Variants in EFCAB7 observed in about 807,000 individuals in gnomAD.
The protein encoded by EFCAB7 is EF-hand calcium binding domain 7.
Under a neutral mutation model 77.1 loss-of-function variants are expected in EFCAB7, and 66 were observed. The ratio of observed to expected loss-of-function variants is 0.86; its 90% CI spans 0.70 to 1.05. The LOEUF (loss-of-function observed/expected upper bound fraction) is 1.05. EFCAB7 is among the 50% of genes least tolerant of loss of function. The pLI is 0.00. For synonymous variants in EFCAB7, 225 were observed against 243.3 expected, an observed-to-expected ratio of 0.92 and a Z score of 0.70; for missense variants, 638 against 730.5, an observed-to-expected ratio of 0.87 and a Z score of 1.46.
intron 2 of EFCAB7, chr1:63,528,106 G>A (rs1646628463): frequency 1.3e-5 from 2 of 152,276 alleles, no homozygotes; most frequent in South Asian, 4.1e-4. Context: ...TCAGCATATT[G>A]AAGAGATATC....
downstream of EFCAB7, among the ~76,000 whole-genome samples, chr1:63,576,347 G>A (rs1160009848): frequency 6.6e-6 from 1 of 151,806 alleles, no homozygotes; most frequent in African/African-American, 2.4e-5. Flanking sequence ...AGGTGTGCTG[G>A]CGGACGCCTG....
intron 6 of EFCAB7, among the ~76,000 whole-genome samples, chr1:63,540,579 G>A (rs912079700): frequency 2.5e-4 from 38 of 152,016 alleles, no homozygotes; most frequent in African/African-American, 8.7e-4. Context: ...ATAATCTCTG[G>A]CTACCTCAAT....
chr1:63,541,604 A>G (rs745456354), intron 6 of EFCAB7, among the ~76,000 whole-genome samples: 6 of 151,902 alleles, frequency 3.9e-5, no homozygotes, highest in Non-Finnish European at 8.8e-5. Flanking sequence ...TTGCCGTGTT[A>G]CCCAGGCTGG....
chr1:63,548,742 G>A (rs1646929018), intron 7 of EFCAB7: 1 of 152,122 alleles, frequency 6.6e-6, no homozygotes. Flanking sequence ...AGCTCTGATG[G>A]GATCAAGAAA....
chr1:63,561,913 A>G, intron 11 of EFCAB7, 56 bp downstream of exon 11: 1 of 1,314,208 alleles, frequency 7.6e-7, no homozygotes, highest in Non-Finnish European at 1.0e-6. Context: ...ATTTTACTTT[A>G]TGAACATTTT....
In EFCAB7 at chr1:63,549,075, C is replaced by T. The variant is rs1427551710; in HGVS notation, c.947-2650C>T. ...CCGGAAAAATTACTTTAAAAATCGC[C>T]AAAAATTACTTGGAGCAAAGGGCAG... On this transcript the variant is annotated intron_variant, in intron 7 of 13. Coordinates refer to ENST00000371088, the MANE Select transcript of EFCAB7 (RefSeq NM_032437.4). 3 of 236,710 alleles carry T rather than the reference C, an allele frequency of 1.3e-5. No individual in the cohort carries two copies. In the Admixed American group the frequency reaches 1.7e-4, roughly 13 times the overall value. The allele number at this position is 236,710 out of a possible 1,614,324, so 14.7% of individuals were successfully genotyped here. A position where few individuals can be genotyped will look rare whatever the true frequency, so the allele number is the denominator to read the frequency against.
At chr1:63,569,993 T>C (rs564444731) in intron 12 of EFCAB7, 1 of 152,206 alleles carries the variant, frequency 6.6e-6, no homozygotes, top group Non-Finnish European at 1.5e-5. Flanking sequence ...AATTCAACTC[T>C]CTTCACCAAA....
chr1:63,573,954 C>T (rs868763906), downstream of EFCAB7, among the ~76,000 whole-genome samples: 3 of 152,154 alleles, frequency 2.0e-5, no homozygotes, highest in Non-Finnish European at 4.4e-5. Context: ...GGTCAGTTAT[C>T]GGATTGTATA....
At chr1:63,579,587 G>A in the EFCAB7 span, among the ~76,000 whole-genome samples, 1 of 152,164 alleles carries the variant, frequency 6.6e-6, no homozygotes, top group Non-Finnish European at 1.5e-5. Context: ...TGGATCATAT[G>A]GTAAATATAT....
intron 5 of EFCAB7, 54 bp from the exon 6 acceptor site, chr1:63,534,041 C>T (rs1570387868): frequency 5.0e-6 from 8 of 1,602,152 alleles, no homozygotes; most frequent in Middle Eastern, 1.7e-4. Flanking sequence ...TTGGAAAAAA[C>T]TCCTATTGAC....
chr1:63,555,300 A>G, intron 8 of EFCAB7, 58 bp from the exon 9 acceptor site: 31 of 1,509,690 alleles, frequency 2.1e-5, no homozygotes, highest in Non-Finnish European at 2.8e-5. Context: ...AAAGCTTTAA[A>G]TTAAAAGATG....
downstream of EFCAB7, among the ~76,000 whole-genome samples, chr1:63,574,968 T>C (rs1647369314): frequency 1.3e-5 from 2 of 152,154 alleles, no homozygotes; most frequent in South Asian, 4.1e-4. Context: ...TTAAAATGAA[T>C]TTACATGTAT....
rs777200241 is a variant in EFCAB7 at position 63,534,140 on chromosome 1, C to T, written c.728C>T (p.Thr243Ile). ...SLLSATRKFK[T>I]SVSFTVTMGA... is the part of the protein sequence containing the mutation. The stretch of plus-strand genomic sequence containing the variant: ...CTGTCAGCAACCAGGAAGTTCAAAA[C>T]ATCTGTTTCCTTCACAGTTACCATG... Residue 243 changes from threonine to isoleucine, a missense_variant, in exon 6 of 14, where the codon ACA becomes ATA. Physicochemically the swap from Thr to Ile is moderately conservative, Grantham distance 89. Coordinates refer to ENST00000371088, the MANE Select transcript of EFCAB7 (RefSeq NM_032437.4). 6.2e-7 allele frequency: 1 copy of T among 1,613,372 alleles called. No homozygotes were observed. The highest frequency in any genetic ancestry group is 8.5e-7 in the Non-Finnish European group (1 of 1,179,536).
chr1:63,568,628 A>G (rs1373795146), intron 12 of EFCAB7, 109 bp downstream of exon 12: 2 of 711,322 alleles, frequency 2.8e-6, no homozygotes, highest in Non-Finnish European at 4.3e-6. Context: ...CATCACATTA[A>G]TAATGTTTAT....
intron 11 of EFCAB7, among the ~76,000 whole-genome samples, chr1:63,563,654 A>G (rs188353892): frequency 1.3e-5 from 2 of 152,372 alleles, no homozygotes; most frequent in African/African-American, 4.8e-5. Flanking sequence ...GTTGCCTAAC[A>G]TAAGTGTGTT....
intron 7 of EFCAB7, chr1:63,546,968 G>C (rs921510967): frequency 8.5e-5 from 13 of 152,052 alleles, no homozygotes; most frequent in Admixed American, 8.5e-4. Flanking sequence ...CTTTTTTAAT[G>C]TTGGCTGTTC....
chr1:63,570,297 A>G (rs1647223215), intron 12 of EFCAB7: 2 of 152,128 alleles, frequency 1.3e-5, no homozygotes, highest in South Asian at 4.1e-4. Context: ...TTCTCCATTT[A>G]TCAGTGTCAT....
At chr1:63,566,613 T>C (rs1740396) in intron 11 of EFCAB7, among the ~76,000 whole-genome samples, 89,645 of 151,506 alleles carry the variant, frequency 0.59, 27,853 homozygotes, top group African/African-American at 0.77. Context: ...AAACTGATAA[T>C]CATGACTTAA....
At chr1:63,574,285 T>C (rs1419295519), downstream of EFCAB7, among the ~76,000 whole-genome samples, 1 of 151,896 alleles carries the variant, frequency 6.6e-6, no homozygotes, top group Non-Finnish European at 1.5e-5. Flanking sequence ...AAATGAGAGG[T>C]TCTATGAGGC....
Sources: gnomAD v4.1 joint callset for allele counts (sites outside exome capture counted in the v4.1 genomes callset) on GRCh38, gnomAD v4.1.1 for gene constraint, MANE v1.5 for transcripts, NCBI Gene and HGNC (gene_info 2026-07-23, HGNC 2026-07-21) for gene names.